The following CSMD1 variants were observed in gnomAD, a reference collection of about 807,000 sequenced individuals.
CSMD1 encodes CUB and sushi domain-containing protein 1.
CSMD1 carries 213 observed loss-of-function variants against 417.5 expected under a neutral mutation model. That is an observed-to-expected ratio of 0.51 (90% CI 0.46 to 0.57). The LOEUF (loss-of-function observed/expected upper bound fraction) is 0.57. CSMD1 is among the 20% of genes least tolerant of loss of function. The probability of loss-of-function intolerance (pLI) is 0.00; values close to 1 mark genes in which losing one functional copy is unlikely to be tolerated. For synonymous variants in CSMD1, 2,862 were observed against 1,736.8 expected (o/e 1.65, Z -16.11); for missense variants, 6,923 against 4,529.7 (o/e 1.53, Z -15.17).
At chr8:3,007,828 G>A (rs3106455) in intron 52 of CSMD1, among the ~76,000 whole-genome samples, 29,680 of 149,098 alleles carry the variant, frequency 0.2, 5,517 homozygotes, top group African/African-American at 0.5. Flanking sequence ...GCTAGATGAC[G>A]AGTTAGTGGG....
chr8:3,514,892 A>T (rs1797223397), intron 10 of CSMD1, among the ~76,000 whole-genome samples: 1 of 152,188 alleles, frequency 6.6e-6, no homozygotes, highest in Non-Finnish European at 1.5e-5. Flanking sequence ...AATAAATTTT[A>T]TTATTGTTTA....
chr8:4,460,563 T>C (rs990846710), intron 2 of CSMD1, among the ~76,000 whole-genome samples: 2 of 152,028 alleles, frequency 1.3e-5, no homozygotes, highest in Admixed American at 6.5e-5. Context: ...AAGAATCTTT[T>C]GCTAGACTGT....
intron 1 of CSMD1, among the ~76,000 whole-genome samples, chr8:4,795,166 G>C (rs1243593273): frequency 6.8e-6 from 1 of 146,726 alleles, no homozygotes; most frequent in Non-Finnish European, 1.5e-5. Flanking sequence ...GAATGTAGTA[G>C]CCACATTTTT....
Position 4,032,333 on chromosome 8 carries a change from G to C in CSMD1, c.416-234C>G, listed in dbSNP as rs184092848. Reference sequence around the variant, plus strand: ...AGTGTAAATAAATGCATTTTGTTAAGAGAGAAAAATATAGTCCTGCTTTTA... The same window carrying C: ...AGTGTAAATAAATGCATTTTGTTAACAGAGAAAAATATAGTCCTGCTTTTA... On this transcript the variant is annotated intron_variant, in intron 3 of 69. Transcript: ENST00000635120. 2.7e-3 allele frequency among the ~76,000 whole-genome samples: 405 copies of C among 152,264 alleles called. 1 individual carries two copies. Among genetic ancestry groups the C allele is most frequent in the African/African-American group, 9.5e-3 (393 of 41,566 alleles).
At chr8:3,871,185 G>C (rs920227646) in intron 5 of CSMD1, among the ~76,000 whole-genome samples, 2 of 151,856 alleles carry the variant, frequency 1.3e-5, no homozygotes, top group Non-Finnish European at 2.9e-5. Context: ...ATGCAAATGT[G>C]CAAATATTTT....
chr8:4,260,170 C>G (rs908275864), intron 3 of CSMD1, among the ~76,000 whole-genome samples: 5 of 152,130 alleles, frequency 3.3e-5, no homozygotes, highest in African/African-American at 1.2e-4. Context: ...CAGGTGGCAT[C>G]CTTGCAAGTA....
chr8:3,829,617 G>T (rs543933374), intron 5 of CSMD1, among the ~76,000 whole-genome samples: 2 of 152,130 alleles, frequency 1.3e-5, no homozygotes, highest in Non-Finnish European at 2.9e-5. Context: ...GAGAGCTGAA[G>T]AAAAAGATGT....
In CSMD1 at chr8:3,369,333, T is replaced by G; in HGVS notation, c.2820A>C (p.Thr940=). The G allele has an allele frequency of 6.2e-7, 1 of 1,602,804 alleles. No homozygotes were observed. Among genetic ancestry groups the G allele is most frequent in the Non-Finnish European group, 8.5e-7 (1 of 1,170,188 alleles). Residue 940 remains threonine, a synonymous_variant, in exon 19 of 70, where the codon ACA becomes ACC. Coordinates refer to ENST00000635120, the MANE Select transcript of CSMD1 (RefSeq NM_033225.6). The part of the protein sequence containing the change: ...CGGYIQGKSG[T]VLSPGFPDFY... ...AATCTGGAAACCCAGGAGAAAGGAC[T>G]GTTCCACTCTTCCCTTGGATGTAGC...
intron 2 of CSMD1, among the ~76,000 whole-genome samples, chr8:4,458,532 T>C (rs17336844): frequency 0.15 from 22,764 of 152,164 alleles, 2,110 homozygotes; most frequent in South Asian, 0.26. Flanking sequence ...GAAAGAGGTA[T>C]GTATTTTCTT....
At chr8:3,944,369 G>C (rs548465354) in intron 5 of CSMD1, among the ~76,000 whole-genome samples, 2 of 152,210 alleles carry the variant, frequency 1.3e-5, no homozygotes, top group Admixed American at 6.6e-5. Context: ...AATAAGATGT[G>C]TTCCTCTCTA....
intron 1 of CSMD1, among the ~76,000 whole-genome samples, chr8:4,682,039 G>C (rs945276917): frequency 3.9e-5 from 6 of 152,124 alleles, no homozygotes; most frequent in Admixed American, 6.6e-5. Context: ...GTTATTTTGA[G>C]ACAGGGTCTC....
intron 2 of CSMD1, among the ~76,000 whole-genome samples, chr8:4,428,821 G>A (rs931180659): frequency 1.3e-5 from 2 of 151,942 alleles, no homozygotes; most frequent in Non-Finnish European, 2.9e-5. Flanking sequence ...CCAGGTTGAA[G>A]GATTCTCCTG....
chr8:4,187,983 C>T (rs1452350679), intron 3 of CSMD1, among the ~76,000 whole-genome samples: 1 of 151,850 alleles, frequency 6.6e-6, no homozygotes, highest in Non-Finnish European at 1.5e-5. Context: ...AATTCCCCTG[C>T]GTTTATCTCC....
intron 1 of CSMD1, among the ~76,000 whole-genome samples, chr8:4,789,432 G>A (rs538117584): frequency 6.6e-6 from 1 of 152,196 alleles, no homozygotes; most frequent in East Asian, 1.9e-4. Context: ...ATAGTACTGT[G>A]TATCCCCAGA....
At chr8:4,567,210 T>A (rs1798655158) in intron 2 of CSMD1, among the ~76,000 whole-genome samples, 1 of 152,218 alleles carries the variant, frequency 6.6e-6, no homozygotes, top group Admixed American at 6.5e-5. Context: ...TCACAGAGCA[T>A]GAACAGTGGG....
intron 8 of CSMD1, among the ~76,000 whole-genome samples, chr8:3,615,597 A>G (rs550192943): frequency 1.3e-5 from 2 of 152,302 alleles, no homozygotes; most frequent in Non-Finnish European, 2.9e-5. Flanking sequence ...ACCAACTTCA[A>G]TATAGACACA....
In CSMD1 at chr8:3,985,779, G is replaced by A. The variant is rs368641752; in HGVS notation, c.818+12124C>T. Among the ~76,000 whole-genome samples the A allele has an allele frequency of 4.7e-4, 69 of 148,282 alleles. No homozygotes were observed. The South Asian group carries it at 0.014, about 30-fold the overall frequency. On this transcript the variant is annotated intron_variant, in intron 5 of 69. Coordinates refer to ENST00000635120, the MANE Select transcript of CSMD1 (RefSeq NM_033225.6). Reference sequence around the variant, plus strand: ...TGATTTTTTTTTTTTTTTTTGAGATGGAGTCTCACCCTGTCGCCCAGATTG... The same window carrying A: ...TGATTTTTTTTTTTTTTTTTGAGATAGAGTCTCACCCTGTCGCCCAGATTG...
rs886507533 is a variant in CSMD1 at position 3,142,441 on chromosome 8, T to G, written c.6241+24A>C. Reference sequence around the variant, plus strand: ...TAAGAAGTGTATTTAGATTTGGGTTTCGGTTCTCGTTGTTGTTCCATACCT... The same window carrying G: ...TAAGAAGTGTATTTAGATTTGGGTTGCGGTTCTCGTTGTTGTTCCATACCT... On this transcript the variant is annotated intron_variant, in intron 41 of 69. Transcript: ENST00000635120. 7 of 1,586,852 alleles carry G rather than the reference T, an allele frequency of 4.4e-6. No individual in the cohort carries two copies. In the African/African-American group the frequency reaches 9.4e-5, roughly 21 times the overall value.
At chr8:3,128,969 A>C (rs967925283) in intron 41 of CSMD1, 15 of 423,086 alleles carry the variant, frequency 3.5e-5, no homozygotes, top group African/African-American at 3.1e-4. Flanking sequence ...CTGCGTGACA[A>C]ACAATACTAG....
Sources: gnomAD v4.1 joint callset for allele counts (sites outside exome capture counted in the v4.1 genomes callset) on GRCh38, gnomAD v4.1.1 for gene constraint, MANE v1.5 for transcripts, NCBI Gene and HGNC (gene_info 2026-07-23, HGNC 2026-07-21) for gene names.